The following NELL1 variants were observed in gnomAD, a reference collection of about 807,000 sequenced individuals.
NELL1 encodes the protein protein kinase C-binding protein NELL1.
NELL1 carries 76 observed loss-of-function variants against 107.4 expected under a neutral mutation model. The ratio of observed to expected loss-of-function variants is 0.71; its 90% CI spans 0.59 to 0.86. The LOEUF is 0.86. NELL1 is among the 40% of genes least tolerant of loss of function. The pLI, the probability that NELL1 is intolerant of heterozygous loss-of-function variation, is 0.00. For missense variants in NELL1, 1,024 were observed against 1,005.5 expected, an observed-to-expected ratio of 1.02 and a Z score of -0.25; for synonymous variants, 353 against 341.2, an observed-to-expected ratio of 1.03 and a Z score of -0.38.
intron 14 of NELL1, among the ~76,000 whole-genome samples, chr11:21,337,879 TTCTTTCAGTGCTGG>T (rs1206806673): frequency 6.7e-6 from 1 of 149,834 alleles, no homozygotes; most frequent in East Asian, 2.0e-4. Flanking sequence ...CTTTCTTTCT[TTCTTTCAGTGCTGG>T]TCTTTCTTCA....
intron 15 of NELL1, among the ~76,000 whole-genome samples, chr11:21,388,813 G>C (rs1374277702): frequency 6.6e-6 from 1 of 151,766 alleles, no homozygotes; most frequent in East Asian, 1.9e-4. Flanking sequence ...TTAAAACCCA[G>C]AGGGAAATAA....
At chr11:20,675,902 C>A (rs986486656) in intron 1 of NELL1, among the ~76,000 whole-genome samples, 2 of 152,012 alleles carry the variant, frequency 1.3e-5, no homozygotes, top group Non-Finnish European at 2.9e-5. Flanking sequence ...TGTACGCCAC[C>A]ATGCCCGGCT....
rs76869191 is a variant in NELL1, at chr11:20,677,784, T to G, written c.56-148T>G. On this transcript the variant is annotated intron_variant, in intron 1 of 19. Transcript: ENST00000357134. Reference sequence around the variant, plus strand: ...ATTAGCGGGGTAAGGGAGCAAAGATTTGCTTTTCTTTTCCCTCCATAGACA... The same window carrying G: ...ATTAGCGGGGTAAGGGAGCAAAGATGTGCTTTTCTTTTCCCTCCATAGACA... The G allele has an allele frequency of 9.6e-3, 8,315 of 863,336 alleles. 494 individuals are homozygous for G. The African/African-American group carries it at 0.12, about 13-fold the overall frequency. 53.5% of individuals were successfully genotyped at this position (863,336 alleles called of 1,614,324 possible).
At chr11:20,916,007 C>A (rs1222469467) in intron 5 of NELL1, among the ~76,000 whole-genome samples, 2 of 151,514 alleles carry the variant, frequency 1.3e-5, no homozygotes, top group Admixed American at 1.3e-4. Context: ...TAGGGTATCA[C>A]CACTTTTCTT....
At chr11:21,300,031 A>G (rs1472545868) in intron 14 of NELL1, among the ~76,000 whole-genome samples, 6 of 152,008 alleles carry the variant, frequency 3.9e-5, no homozygotes, top group Non-Finnish European at 8.8e-5. Flanking sequence ...ATGATCACGT[A>G]AACACACAAA....
At chr11:21,338,530 C>G (rs1346079696) in intron 14 of NELL1, among the ~76,000 whole-genome samples, 1 of 152,100 alleles carries the variant, frequency 6.6e-6, no homozygotes, top group African/African-American at 2.4e-5. Context: ...CCCAGAGTTT[C>G]CAGGGTTTCC....
chr11:20,783,962 C>T, intron 3 of NELL1, 132 bp downstream of exon 3: 1 of 788,804 alleles, frequency 1.3e-6, no homozygotes, highest in Non-Finnish European at 1.8e-6. Flanking sequence ...TGAACACATT[C>T]ATGAATTTAC....
At chr11:20,704,608 T>A (rs993815386) in intron 2 of NELL1, among the ~76,000 whole-genome samples, 9 of 152,220 alleles carry the variant, frequency 5.9e-5, no homozygotes, top group African/African-American at 2.2e-4. Flanking sequence ...CTTGATGGTC[T>A]TTAGAGTTTG....
rs550328791 is a variant in NELL1, at chr11:21,453,822, T to C, written c.1646-80552T>C. Among the ~76,000 whole-genome samples, 25 of 148,752 alleles carry C rather than the reference T, an allele frequency of 1.7e-4. No homozygotes were observed. The East Asian group carries it at 4.5e-3, about 27-fold the overall frequency. ...GTTTTCTTTCCCTTTTTTTTTTTTTTAGATTTTGTGCCAGGGTTTACAATA... is the reference window on the plus strand; with the variant it reads ...GTTTTCTTTCCCTTTTTTTTTTTTTCAGATTTTGTGCCAGGGTTTACAATA... On this transcript the variant is annotated intron_variant, in intron 15 of 19. Coordinates refer to ENST00000357134, the MANE Select transcript of NELL1 (RefSeq NM_006157.5).
At chr11:21,208,561 C>G (rs1857436570) in intron 13 of NELL1, among the ~76,000 whole-genome samples, 2 of 152,026 alleles carry the variant, frequency 1.3e-5, no homozygotes, top group African/African-American at 4.8e-5. Flanking sequence ...TTCCCCTCTA[C>G]CCCTCCTCCC....
intron 14 of NELL1, among the ~76,000 whole-genome samples, chr11:21,322,994 G>A (rs914363106): frequency 2.6e-5 from 4 of 151,932 alleles, no homozygotes; most frequent in Non-Finnish European, 4.4e-5. Flanking sequence ...AAAAGTGATC[G>A]GCCAATTCAG....
At chr11:21,010,466 A>T (rs1339468709) in intron 12 of NELL1, among the ~76,000 whole-genome samples, 1 of 152,074 alleles carries the variant, frequency 6.6e-6, no homozygotes, top group Non-Finnish European at 1.5e-5. Flanking sequence ...ATGAGCTTGC[A>T]GTTATAAACC....
rs180873960 is a variant in NELL1 at position 20,898,408 on chromosome 11, C to T, written c.603+12868C>T. Among the ~76,000 whole-genome samples the T allele has an allele frequency of 2.0e-5, 3 of 151,782 alleles. No individual in the cohort carries two copies. In the East Asian group the frequency reaches 5.8e-4, roughly 30 times the overall value. On this transcript the variant is annotated intron_variant, in intron 5 of 19. Transcript: ENST00000357134. ...ACACAGGAAGGGGAATATCACACAC[C>T]AGGGCCTGTCATGGGGTGGGGGGAA...
rs778314594 is a variant in NELL1, at chr11:21,573,168, T to C, written c.2158-17T>C. 6.3e-7 allele frequency: 1 copy of C among 1,597,928 alleles called. No individual in the cohort carries two copies. Among genetic ancestry groups the C allele is most frequent in the South Asian group, 1.1e-5 (1 of 90,678 alleles). ...CATAGGAACAATAATGAGACATTTT[T>C]TGCTTTTCCTCTACAGGAAGGAGAG... On this transcript the variant is annotated splice_polypyrimidine_tract_variant and intron_variant, in intron 18 of 19. Transcript: ENST00000357134.
chr11:21,202,347 AG>A (rs1857289049), intron 13 of NELL1, among the ~76,000 whole-genome samples: 1 of 152,190 alleles, frequency 6.6e-6, no homozygotes, highest in Non-Finnish European at 1.5e-5. Context: ...TTCCTGATTT[AG>A]ACTTAGGAGG....
At chr11:21,061,562 T>A (rs2134363336) in intron 12 of NELL1, among the ~76,000 whole-genome samples, 1 of 152,290 alleles carries the variant, frequency 6.6e-6, no homozygotes, top group South Asian at 2.1e-4. Context: ...TGTCTACCCA[T>A]CTGAAAAAGG....
chr11:21,480,297 G>T (rs1854461115), intron 15 of NELL1, among the ~76,000 whole-genome samples: 1 of 152,030 alleles, frequency 6.6e-6, no homozygotes. Flanking sequence ...ATTAAATTGG[G>T]GATAAGGGCA....
intron 16 of NELL1, among the ~76,000 whole-genome samples, chr11:21,551,858 T>C (rs2133990857): frequency 6.6e-6 from 1 of 150,684 alleles, no homozygotes; most frequent in African/African-American, 2.4e-5. Flanking sequence ...TGCGGCACTA[T>C]TCACAATAGC....
intron 2 of NELL1, among the ~76,000 whole-genome samples, chr11:20,738,394 T>G (rs1855811171): frequency 6.6e-6 from 1 of 152,096 alleles, no homozygotes; most frequent in African/African-American, 2.4e-5. Context: ...GCTGGCTTGC[T>G]GGGGCACAGG....
Sources: allele counts gnomAD v4.1 joint callset (sites outside exome capture counted in the v4.1 genomes callset), GRCh38; gene constraint gnomAD v4.1.1; transcripts MANE v1.5; gene names NCBI Gene and HGNC (gene_info 2026-07-23, HGNC 2026-07-21).